Variants in CDCA8 observed in about 807,000 individuals in gnomAD.
The protein encoded by CDCA8 is cell division cycle associated 8.
A neutral mutation model predicts 40.0 loss-of-function variants in CDCA8; 25 were observed. The observed-to-expected ratio is 0.63, with a 90% CI of 0.46 to 0.87. CDCA8 has a LOEUF of 0.87. Ranked by LOEUF, CDCA8 falls within the 40% of genes least tolerant of loss-of-function variation. The pLI is 0.00. For synonymous variants in CDCA8, 111 were observed against 126.5 expected (o/e 0.88, Z 0.82); for missense variants, 280 against 348.4 (o/e 0.80, Z 1.56).
At position 37,696,439 on chromosome 1, in the gene CDCA8, C is replaced by T. The variant is rs1293012276; in HGVS notation, c.264+489C>T. Reference sequence around the variant, plus strand: ...AAGCTGCACTGTCCAGTGTAGTAGCCACTGGGCATATGTAGCTATTTCAGT... The same window carrying T: ...AAGCTGCACTGTCCAGTGTAGTAGCTACTGGGCATATGTAGCTATTTCAGT... On this transcript the variant is annotated intron_variant, in intron 3 of 9. Transcript: ENST00000373055. This position sits in a 1 kb window ranked among gnomAD's most constrained non-coding sequence, Gnocchi z 5.0. Among the ~76,000 whole-genome samples the T allele has an allele frequency of 6.6e-6, 1 of 152,164 alleles. No individual in the cohort carries two copies. The highest frequency in any genetic ancestry group is 2.4e-5 in the African/African-American group (1 of 41,424).
rs778540937 is a variant in CDCA8 at position 37,707,225 on chromosome 1, C to T, written c.798+161C>T. Reference sequence around the variant, plus strand: ...TTTGACTCTTACCCTACTTAGATAGCAGCAGTTCTGTTCCTCAGTTGATGT... The same window carrying T: ...TTTGACTCTTACCCTACTTAGATAGTAGCAGTTCTGTTCCTCAGTTGATGT... On this transcript the variant is annotated intron_variant, in intron 9 of 9. Transcript: ENST00000373055. Among the ~76,000 whole-genome samples the T allele has an allele frequency of 3.3e-5, 5 of 152,340 alleles. No homozygotes were observed. The Middle Eastern group carries it at 0.01, about 311-fold the overall frequency.
rs759253865 is a variant in CDCA8 at position 37,692,647 on chromosome 1, C to T, written c.-44C>T. 4.0e-6 allele frequency: 6 copies of T among 1,516,494 alleles called. No individual in the cohort carries two copies. The highest frequency in any genetic ancestry group is 5.5e-6 in the Non-Finnish European group (6 of 1,099,302). 93.9% of individuals were successfully genotyped at this position (1,516,494 alleles called of 1,614,324 possible). A position where few individuals can be genotyped will look rare whatever the true frequency, so the allele number is the denominator to read the frequency against. On this transcript the variant is annotated 5_prime_UTR_variant, in exon 1 of 10. Coordinates refer to ENST00000373055, the MANE Select transcript of CDCA8 (RefSeq NM_001256875.2). ...CTCGTCCCTACCCAGTTTCTTGCTTCCCTGCCCCATCTCCGCCGCTCCCCG... is the reference window on the plus strand; with the variant it reads ...CTCGTCCCTACCCAGTTTCTTGCTTTCCTGCCCCATCTCCGCCGCTCCCCG...
At chr1:37,703,125 C>T (rs905013442) in intron 6 of CDCA8, 127 bp from the exon 7 acceptor site, 5 of 744,668 alleles carry the variant, frequency 6.7e-6, no homozygotes, top group African/African-American at 1.7e-5. Flanking sequence ...AGAAGGGTCA[C>T]GTGAGTCGAT....
In CDCA8 at chr1:37,692,572, A is replaced by T; in HGVS notation, c.-119A>T. On this transcript the variant is annotated 5_prime_UTR_variant, in exon 1 of 10. Transcript: ENST00000373055. ...GGTTTTGCTCAGCCCTTGTCTCGGG[A>T]CCGCAGGTACGTGCCTGGCGACTTC... The T allele has an allele frequency of 2.6e-6, 2 of 770,686 alleles. No individual in the cohort carries two copies. The highest frequency in any genetic ancestry group is 2.1e-5 in the Admixed American group (1 of 47,354). The allele number at this position is 770,686 out of a possible 1,614,324, so 47.7% of individuals were successfully genotyped here.
intron 2 of CDCA8, among the ~76,000 whole-genome samples, chr1:37,695,412 C>A: frequency 7.5e-6 from 1 of 132,848 alleles, no homozygotes; most frequent in African/African-American, 2.8e-5. Context: ...GACAACTTGG[C>A]GAAACCCTAT....
intron 2 of CDCA8, among the ~76,000 whole-genome samples, chr1:37,695,220 A>T (rs1645518061): frequency 6.6e-6 from 1 of 151,940 alleles, no homozygotes; most frequent in Non-Finnish European, 1.5e-5. Context: ...ATAAATTTTT[A>T]AAAAAGAAAA....
chr1:37,701,768 T>C lies in CDCA8; in HGVS notation c.438T>C (p.Pro146=), dbSNP rs1471944426. 1.9e-6 allele frequency: 3 copies of C among 1,612,918 alleles called. No individual in the cohort carries two copies. The highest frequency in any genetic ancestry group is 1.7e-6 in the Non-Finnish European group (2 of 1,179,352). Residue 146 remains proline, a synonymous_variant, in exon 6 of 10, where the codon CCT becomes CCC. Transcript: ENST00000373055. ...TGTGACTGCAGGTCAAAAGGTGTCC[T>C]CCATCCAAGAAGAGAACTCAGTCCA... The part of the protein sequence containing the change: ...NLQTARVKRC[P]PSKKRTQSIQ...
At chr1:37,694,029 A>G (rs1468220326) in intron 2 of CDCA8, among the ~76,000 whole-genome samples, 1 of 152,006 alleles carries the variant, frequency 6.6e-6, no homozygotes, top group Admixed American at 6.6e-5. Flanking sequence ...AATCCCAGCT[A>G]CTCTGGAGGC....
intron 5 of CDCA8, 28 bp downstream of exon 5, chr1:37,700,549 G>A (rs1645557102): frequency 7.3e-7 from 1 of 1,373,974 alleles, no homozygotes; most frequent in Non-Finnish European, 1.0e-6. Context: ...TTGGAGGCTG[G>A]GGGTTATCAC....
At position 37,692,722 on chromosome 1, in the gene CDCA8, C is replaced by A; in HGVS notation, c.32C>A (p.Ala11Asp). ...CCTAGGAAGGGCAGTAGTCGGGTGGCCAAGACCAACTCCTTACGGAGGCGG... is the reference window on the plus strand; with the variant it reads ...CCTAGGAAGGGCAGTAGTCGGGTGGACAAGACCAACTCCTTACGGAGGCGG... MAPRKGSSRV[A>D]KTNSLRRRKL... Residue 11 changes from alanine to aspartate, a missense_variant, in exon 1 of 10, where the codon GCC becomes GAC. Ala to Asp is a moderately radical substitution (Grantham distance 126, BLOSUM62 -2). Coordinates refer to ENST00000373055, the MANE Select transcript of CDCA8 (RefSeq NM_001256875.2). 9.9e-6 allele frequency: 16 copies of A among 1,613,370 alleles called. No homozygotes were observed. The highest frequency in any genetic ancestry group is 1.4e-5 in the Non-Finnish European group (16 of 1,179,962).
chr1:37,703,533 T>C (rs940676715), intron 7 of CDCA8, among the ~76,000 whole-genome samples, 186 bp downstream of exon 7: 1 of 152,102 alleles, frequency 6.6e-6, no homozygotes, highest in African/African-American at 2.4e-5. Context: ...CTGGCCAAGA[T>C]GATGAAACGC....
chr1:37,695,216 T>G (rs1438199105), intron 2 of CDCA8, among the ~76,000 whole-genome samples: 1 of 150,430 alleles, frequency 6.6e-6, no homozygotes, highest in Non-Finnish European at 1.5e-5. Flanking sequence ...AAAAATAAAT[T>G]TTTAAAAAAG....
At chr1:37,703,394 A>G in intron 7 of CDCA8, 47 bp downstream of exon 7, 1 of 1,312,746 alleles carries the variant, frequency 7.6e-7, no homozygotes, top group Non-Finnish European at 1.1e-6. Flanking sequence ...TCCAACATTG[A>G]GCACTACCCA....
At position 37,701,869 on chromosome 1, in the gene CDCA8, A is replaced by G. The variant is rs1458763394; in HGVS notation, c.488+51A>G. 5 of 1,381,930 alleles carry G rather than the reference A, an allele frequency of 3.6e-6. No individual in the cohort carries two copies. The East Asian group carries it at 1.1e-4, about 32-fold the overall frequency. The allele number at this position is 1,381,930 out of a possible 1,614,324, so 85.6% of individuals were successfully genotyped here. A position where few individuals can be genotyped will look rare whatever the true frequency, so the allele number is the denominator to read the frequency against. ...GTTTTGGGTTTTATTGGAGAGCCAT[A>G]TATATCATGGCAGAAAGTGAGGGGC... On this transcript the variant is annotated intron_variant, in intron 6 of 9. Coordinates refer to ENST00000373055, the MANE Select transcript of CDCA8 (RefSeq NM_001256875.2).
At chr1:37,701,897 T>A in intron 6 of CDCA8, 79 bp downstream of exon 6, 1 of 1,069,770 alleles carries the variant, frequency 9.3e-7, no homozygotes, top group Non-Finnish European at 1.4e-6. Context: ...TGAGGGGCAG[T>A]GAAAAGGCTC....
At chr1:37,694,345 G>A (rs1477551301) in intron 2 of CDCA8, among the ~76,000 whole-genome samples, 1 of 152,228 alleles carries the variant, frequency 6.6e-6, no homozygotes, top group Non-Finnish European at 1.5e-5. Context: ...GACATTGAAT[G>A]ATCCTTTTGA....
At chr1:37,699,600 GGAAAGGAAAGGAAAGGA>G (rs1404411176) in intron 4 of CDCA8, among the ~76,000 whole-genome samples, 1 of 35,696 alleles carries the variant, frequency 2.8e-5, no homozygotes, top group African/African-American at 1.9e-4. Flanking sequence ...GGAAAGGAAA[GGAAAGGAAAGGAAAGGA>G]AAGGAAAAAA....
In CDCA8 at chr1:37,695,920, A is replaced by C; in HGVS notation, c.234A>C (p.Gly78=). The C allele has an allele frequency of 6.2e-7, 1 of 1,614,026 alleles. No individual in the cohort carries two copies. Among genetic ancestry groups the C allele is most frequent in the East Asian group, 2.2e-5 (1 of 44,882 alleles). Residue 78 remains glycine (G), a synonymous_variant, in exon 3 of 10, where the codon GGA becomes GGC. Coordinates refer to ENST00000373055, the MANE Select transcript of CDCA8 (RefSeq NM_001256875.2). The stretch of plus-strand genomic sequence containing the variant: ...ACGTTCTTTTTAAAGCCCTTGGAGG[A>C]AACAAACAGGCCCTGGAAGAGGCGG... ...MNWLDYFALG[G]NKQALEEAAT...
chr1:37,706,645 G>T (rs1645603839), intron 8 of CDCA8, among the ~76,000 whole-genome samples: 1 of 152,266 alleles, frequency 6.6e-6, no homozygotes, highest in Non-Finnish European at 1.5e-5. Flanking sequence ...TAACTTAAGG[G>T]ATTCTGAAGC....
Sources: gnomAD v4.1 joint callset for allele counts (sites outside exome capture counted in the v4.1 genomes callset) on GRCh38, gnomAD v4.1.1 for gene constraint, Gnocchi (gnomAD v3.1) non-coding constraint, MANE v1.5 for transcripts, NCBI Gene and HGNC (gene_info 2026-07-23, HGNC 2026-07-21) for gene names.